The following SCHIP1 variants were observed in gnomAD, a reference collection of about 807,000 sequenced individuals.
SCHIP1 encodes the protein schwannomin-interacting protein 1.
Under a neutral mutation model 29.7 loss-of-function variants are expected in SCHIP1, and 8 were observed. The observed-to-expected ratio is 0.27, with a 90% CI of 0.16 to 0.49. The LOEUF is 0.49. Ranked by LOEUF, SCHIP1 falls within the 20% of genes least tolerant of loss-of-function variation. SCHIP1 has a pLI of 0.99. For synonymous variants in SCHIP1, 76 were observed against 94.9 expected, an observed-to-expected ratio of 0.80 and a Z score of 1.16; for missense variants, 193 against 294.6, an observed-to-expected ratio of 0.66 and a Z score of 2.52.
chr3:159,415,379 T>C, the SCHIP1 span, among the ~76,000 whole-genome samples: 1 of 152,162 alleles, frequency 6.6e-6, no homozygotes, highest in African/African-American at 2.4e-5. Context: ...GTTTGTTGTA[T>C]AAATTGTTTC....
the SCHIP1 span, among the ~76,000 whole-genome samples, chr3:159,606,934 T>G: frequency 6.6e-6 from 1 of 152,260 alleles, no homozygotes; most frequent in South Asian, 2.1e-4. Context: ...GAAGGATGGA[T>G]CTGGTGACAG....
At chr3:159,375,096 A>T in the SCHIP1 span, among the ~76,000 whole-genome samples, 2 of 152,250 alleles carry the variant, frequency 1.3e-5, no homozygotes, top group Non-Finnish European at 2.9e-5. Flanking sequence ...CTAGTAAAAA[A>T]TGCCAAATTA....
At chr3:159,747,599 A>C in the SCHIP1 span, among the ~76,000 whole-genome samples, 1 of 152,108 alleles carries the variant, frequency 6.6e-6, no homozygotes, top group Non-Finnish European at 1.5e-5. Flanking sequence ...GTATATTCAC[A>C]GATGTTCCAA....
the SCHIP1 span, among the ~76,000 whole-genome samples, chr3:159,319,455 A>G: frequency 6.6e-6 from 1 of 152,234 alleles, no homozygotes; most frequent in Non-Finnish European, 1.5e-5. Context: ...TGACAGAAAC[A>G]TATCTGCACA....
the SCHIP1 span, among the ~76,000 whole-genome samples, chr3:159,380,513 T>C: frequency 6.6e-6 from 1 of 152,200 alleles, no homozygotes; most frequent in East Asian, 1.9e-4. Flanking sequence ...CCTTATGTCA[T>C]TGTTATACTA....
chr3:159,526,582 T>C, the SCHIP1 span, among the ~76,000 whole-genome samples: 37 of 152,336 alleles, frequency 2.4e-4, no homozygotes, highest in Non-Finnish European at 4.3e-4. Flanking sequence ...AACGCTGACT[T>C]GTGCCCATCA....
the SCHIP1 span, among the ~76,000 whole-genome samples, chr3:159,647,055 A>AATACATAAAGAGT: frequency 1.3e-5 from 2 of 152,112 alleles, no homozygotes; most frequent in Admixed American, 1.3e-4. Flanking sequence ...GAGATAAGGT[A>AATACATAAAGAGT]ACCGAAATGG....
chr3:159,447,449 A>T, the SCHIP1 span, among the ~76,000 whole-genome samples: 2 of 152,160 alleles, frequency 1.3e-5, no homozygotes, highest in Non-Finnish European at 2.9e-5. Flanking sequence ...TCTTCAAATT[A>T]AAAAATACAC....
chr3:159,886,143 C>G, intron 2 of SCHIP1, 64 bp from the exon 4 acceptor site: 3 of 1,567,754 alleles, frequency 1.9e-6, no homozygotes, highest in Admixed American at 1.7e-5. Context: ...TCAGACAGTT[C>G]TATTGGCTGA....
intron 1 of SCHIP1, among the ~76,000 whole-genome samples, chr3:159,855,144 T>A (rs1007404395): frequency 9.2e-5 from 14 of 152,370 alleles, no homozygotes; most frequent in Admixed American, 3.3e-4. Flanking sequence ...ATGTTCCGGA[T>A]CTTAAACATG....
the SCHIP1 span, among the ~76,000 whole-genome samples, chr3:159,783,781 T>C: frequency 6.6e-6 from 1 of 152,182 alleles, no homozygotes; most frequent in Non-Finnish European, 1.5e-5. Context: ...TTTGAGGGTT[T>C]TTCTCCCAGG....
At chr3:159,708,072 G>A in the SCHIP1 span, among the ~76,000 whole-genome samples, 352 of 152,142 alleles carry the variant, frequency 2.3e-3, 2 homozygotes, top group African/African-American at 7.0e-3. Flanking sequence ...TGTCTTTGAT[G>A]ACCTAGGCTA....
chr3:159,735,862 C>T, the SCHIP1 span, among the ~76,000 whole-genome samples: 5 of 152,140 alleles, frequency 3.3e-5, no homozygotes, highest in African/African-American at 4.8e-5. Context: ...TGTCAGGAGA[C>T]GTGTTGAGAG....
At chr3:159,805,722 A>C in the SCHIP1 span, among the ~76,000 whole-genome samples, 1 of 151,602 alleles carries the variant, frequency 6.6e-6, no homozygotes, top group African/African-American at 2.4e-5. Flanking sequence ...GAAAGACCCA[A>C]CTGTTGTTCA....
At chr3:159,712,638 C>T in the SCHIP1 span, among the ~76,000 whole-genome samples, 2 of 151,658 alleles carry the variant, frequency 1.3e-5, no homozygotes, top group African/African-American at 4.9e-5. Context: ...ACCACTTGAG[C>T]CCAGGAGCTG....
the SCHIP1 span, among the ~76,000 whole-genome samples, chr3:159,771,221 GAC>G: frequency 6.6e-6 from 1 of 152,156 alleles, no homozygotes; most frequent in Non-Finnish European, 1.5e-5. Flanking sequence ...CCCCATCAAT[GAC>G]ACACTACTAA....
At chr3:159,798,203 C>T in the SCHIP1 span, among the ~76,000 whole-genome samples, 25 of 152,064 alleles carry the variant, frequency 1.6e-4, no homozygotes, top group African/African-American at 2.9e-4. Flanking sequence ...GCTGGCTTTG[C>T]GGAATAAGAG....
chr3:159,448,551 G>T, the SCHIP1 span, among the ~76,000 whole-genome samples: 1 of 152,056 alleles, frequency 6.6e-6, no homozygotes, highest in Non-Finnish European at 1.5e-5. Flanking sequence ...GAGGCTGCTG[G>T]GCTGCTGTGT....
At chr3:159,686,850 T>C in the SCHIP1 span, among the ~76,000 whole-genome samples, 1 of 151,620 alleles carries the variant, frequency 6.6e-6, no homozygotes, top group South Asian at 2.1e-4. Flanking sequence ...GGCAGTAACT[T>C]AGAACTAATC....
Sources: allele counts gnomAD v4.1 joint callset (sites outside exome capture counted in the v4.1 genomes callset), GRCh38; gene constraint gnomAD v4.1.1; transcripts MANE v1.5; gene names NCBI Gene and HGNC (gene_info 2026-07-23, HGNC 2026-07-21).